SH3D19: variants seen among roughly 807,000 people sequenced by gnomAD.
SH3D19 encodes SH3 domain-containing protein 19.
In SH3D19, 58 loss-of-function variants were observed where a neutral mutation model predicts 112.1. The observed-to-expected ratio is 0.52, with a 90% CI of 0.42 to 0.64. The LOEUF is 0.64. Among genes scored for constraint, SH3D19 ranks in the 30% least tolerant of loss-of-function variants. SH3D19 has a pLI of 0.00. For synonymous variants in SH3D19, 391 were observed against 448.5 expected (o/e 0.87, Z 1.62); for missense variants, 1,090 against 1,263.4 (o/e 0.86, Z 2.08).
chr4:151,239,422 T>A (rs1363053957), intron 1 of SH3D19, among the ~76,000 whole-genome samples: 1 of 152,180 alleles, frequency 6.6e-6, no homozygotes, highest in African/African-American at 2.4e-5. Flanking sequence ...TGTTTTTTTT[T>A]AGGGGTGGAT....
At chr4:151,231,350 T>C (rs1769593317) in intron 1 of SH3D19, among the ~76,000 whole-genome samples, 1 of 152,154 alleles carries the variant, frequency 6.6e-6, no homozygotes. Context: ...ACTGCAAATA[T>C]ATATATATAT....
intron 1 of SH3D19, among the ~76,000 whole-genome samples, chr4:151,319,492 T>G (rs1237278451): frequency 6.6e-6 from 1 of 152,256 alleles, no homozygotes; most frequent in Non-Finnish European, 1.5e-5. Flanking sequence ...AGTAAGCTGG[T>G]GGTCCAGAGA....
At chr4:151,246,276 G>A (rs1231004073) in intron 1 of SH3D19, among the ~76,000 whole-genome samples, 2 of 152,170 alleles carry the variant, frequency 1.3e-5, no homozygotes, top group African/African-American at 4.8e-5. Flanking sequence ...GGATTTCAGG[G>A]TAACATCTGA....
chr4:151,159,591 C>A lies in SH3D19; in HGVS notation c.1643-239G>T, dbSNP rs1756781199. 2.6e-5 allele frequency among the ~76,000 whole-genome samples: 4 copies of A among 152,258 alleles called. No individual in the cohort carries two copies. In the South Asian group the frequency reaches 8.3e-4, roughly 32 times the overall value. On this transcript the variant is annotated intron_variant, in intron 8 of 19. Coordinates refer to ENST00000604030, the MANE Select transcript of SH3D19 (RefSeq NM_001378122.1). ...ATAATACTAAACAATTCAACAGCAG[C>A]CAGCATTGTTGAGAACCTTTTATGT...
intron 9 of SH3D19, among the ~76,000 whole-genome samples, chr4:151,151,061 A>G (rs1754982506): frequency 6.6e-6 from 1 of 151,286 alleles, no homozygotes; most frequent in Non-Finnish European, 1.5e-5. Flanking sequence ...CCCAGGTTCA[A>G]GTGATTCTCC....
rs1754262088 is a variant in SH3D19, at chr4:151,148,158, G to A, written c.1846C>T (p.Gln616Ter). The A allele has an allele frequency of 6.2e-7, 1 of 1,608,074 alleles. No homozygotes were observed. Residue 616 changes from glutamine to a stop codon, truncating the protein, a stop_gained, in exon 11 of 20, where the codon CAA (glutamine) becomes TAA (stop). Transcript: ENST00000604030. LOFTEE classifies it high-confidence loss of function. The part of the protein sequence containing the change: ...RPVNGKTIPT[Q>*]QPPTKVPPER... ...GGGGGCACCTTGGTTGGAGGCTGTT[G>A]AGTTGGAATGGTTTTTCCATTCACA...
At chr4:151,318,300 C>CAAAAAA (rs752720803) in intron 1 of SH3D19, among the ~76,000 whole-genome samples, 17 of 54,386 alleles carry the variant, frequency 3.1e-4, no homozygotes, top group South Asian at 7.5e-4. Flanking sequence ...GACTCTGACT[C>CAAAAAA]AAAAAAAAAA....
At chr4:151,209,031 T>C (rs1765555796) in intron 2 of SH3D19, among the ~76,000 whole-genome samples, 1 of 152,164 alleles carries the variant, frequency 6.6e-6, no homozygotes, top group Admixed American at 6.5e-5. Flanking sequence ...GGTTGAACCC[T>C]GACTGATAAA....
At chr4:151,228,422 T>C (rs1160832151) in intron 1 of SH3D19, among the ~76,000 whole-genome samples, 2 of 152,180 alleles carry the variant, frequency 1.3e-5, no homozygotes, top group Non-Finnish European at 2.9e-5. Flanking sequence ...ATACAAATAT[T>C]TGGATTTCAC....
intron 2 of SH3D19, among the ~76,000 whole-genome samples, chr4:151,218,795 T>G (rs1046618658): frequency 6.6e-6 from 1 of 152,172 alleles, no homozygotes; most frequent in Non-Finnish European, 1.5e-5. Context: ...ACAAACAATG[T>G]ATTATTTGTG....
At chr4:151,128,853 C>T (rs1055579959) in intron 17 of SH3D19, among the ~76,000 whole-genome samples, 1 of 152,028 alleles carries the variant, frequency 6.6e-6, no homozygotes, top group African/African-American at 2.4e-5. Flanking sequence ...CTATGTTGCC[C>T]AGGCTGGTCT....
chr4:151,299,160 C>A (rs982423682), intron 1 of SH3D19, among the ~76,000 whole-genome samples: 4 of 152,154 alleles, frequency 2.6e-5, no homozygotes, highest in African/African-American at 9.7e-5. Context: ...TCAGAGTTCA[C>A]AGGTTTGATT....
intron 8 of SH3D19, among the ~76,000 whole-genome samples, chr4:151,161,430 G>A (rs550101501): frequency 1.1e-4 from 16 of 152,010 alleles, no homozygotes; most frequent in African/African-American, 3.9e-4. Context: ...TTGATTTTTG[G>A]TATAAATAGA....
Position 151,147,923 on chromosome 4 carries a change from A to G in SH3D19, c.2081T>C (p.Met694Thr), listed in dbSNP as rs72965663. ...KPGHPLYSKY[M>T]RGDVLVMLKQ... ...AACATTTTTAAAAGCTAAATTTACC[A>G]TGTATTTACTGTAGAGAGGGTGTCC... Residue 694 changes from methionine (M) to threonine (T), a missense_variant and splice_region_variant, in exon 11 of 20, where the codon ATG (methionine) becomes ACG (threonine). Met to Thr is a moderately conservative substitution (Grantham distance 81). Coordinates refer to ENST00000604030, the MANE Select transcript of SH3D19 (RefSeq NM_001378122.1). The G allele has an allele frequency of 0.011, 18,109 of 1,594,402 alleles. 1,460 individuals are homozygous for G. In the African/African-American group the frequency reaches 0.19, roughly 17 times the overall value.
At chr4:151,213,666 GAATTAATTAATT>G (rs148920486) in intron 2 of SH3D19, among the ~76,000 whole-genome samples, 1 of 54,458 alleles carries the variant, frequency 1.8e-5, no homozygotes, top group African/African-American at 3.5e-5. Flanking sequence ...TTAATAATAT[GAATTAATTAATT>G]AATTAATTAA....
At chr4:151,145,311 G>A (rs1051110712) in intron 11 of SH3D19, among the ~76,000 whole-genome samples, 7 of 152,126 alleles carry the variant, frequency 4.6e-5, no homozygotes, top group Admixed American at 1.3e-4. Flanking sequence ...TGACCTGCAC[G>A]TATACATCTG....
In SH3D19 at chr4:151,133,071, A is replaced by AG; in HGVS notation, c.2651dup (p.Val885CysfsTer2). ...CACCAGAGGTGGGATAATCCTCAAC[A>AG]GGCTCCACAAAGTTCAGGGGGAAAA... is the stretch of plus-strand genomic sequence containing the variant. On this transcript the variant is annotated frameshift_variant, in exon 16 of 20. Coordinates refer to ENST00000604030, the MANE Select transcript of SH3D19 (RefSeq NM_001378122.1). LOFTEE classifies it high-confidence loss of function. The AG allele has an allele frequency of 6.2e-7, 1 of 1,614,064 alleles. No homozygotes were observed. Among genetic ancestry groups the AG allele is most frequent in the Non-Finnish European group, 8.5e-7 (1 of 1,179,916 alleles).
intron 2 of SH3D19, among the ~76,000 whole-genome samples, chr4:151,191,238 G>A (rs1326609439): frequency 2.0e-5 from 3 of 152,056 alleles, no homozygotes; most frequent in Non-Finnish European, 2.9e-5. Context: ...GTTCATAGGC[G>A]GAAGGGACAT....
intron 17 of SH3D19, among the ~76,000 whole-genome samples, chr4:151,130,811 G>A (rs151198287): frequency 8.9e-4 from 135 of 152,114 alleles, no homozygotes; most frequent in Non-Finnish European, 1.6e-3. Context: ...ACAGTGGCAG[G>A]CACCTGTAAA....
Sources: gnomAD v4.1 joint callset for allele counts (sites outside exome capture counted in the v4.1 genomes callset) on GRCh38, gnomAD v4.1.1 for gene constraint, MANE v1.5 for transcripts, NCBI Gene and HGNC (gene_info 2026-07-23, HGNC 2026-07-21) for gene names.